The following ANK1 variants were observed in gnomAD, a reference collection of about 807,000 sequenced individuals.
ANK1 encodes ankyrin 1.
Under a neutral mutation model 210.4 loss-of-function variants are expected in ANK1, and 51 were observed. The observed-to-expected ratio is 0.24, with a 90% CI of 0.19 to 0.31. The LOEUF is 0.31. Ranked by LOEUF, ANK1 falls within the 10% of genes least tolerant of loss-of-function variation. The probability of loss-of-function intolerance (pLI) is 1.00; values close to 1 mark genes in which losing one functional copy is unlikely to be tolerated. For synonymous variants in ANK1, 967 were observed against 1,025.9 expected (o/e 0.94, Z 1.10); for missense variants, 2,051 against 2,504.4 (o/e 0.82, Z 3.86).
chr8:41,806,173 G>C (rs1850939741), intron 1 of ANK1, among the ~76,000 whole-genome samples: 3 of 152,186 alleles, frequency 2.0e-5, no homozygotes, highest in Admixed American at 2.0e-4. Context: ...TGGAAGTTTA[G>C]GCACTCAAAT....
chr8:41,769,506 G>A (rs1245157068), intron 1 of ANK1, among the ~76,000 whole-genome samples: 3 of 152,218 alleles, frequency 2.0e-5, no homozygotes, highest in Non-Finnish European at 1.5e-5. Flanking sequence ...TATTTAGAGA[G>A]AGAGAGAGAA....
rs546421188 is a variant in ANK1, at chr8:41,693,304, G to A, written c.3533-103C>T. 124 of 1,082,384 alleles carry A rather than the reference G, an allele frequency of 1.1e-4. No individual in the cohort carries two copies. In the African/African-American group the frequency reaches 1.7e-3, roughly 15 times the overall value. 67.0% of individuals were successfully genotyped at this position (1,082,384 alleles called of 1,614,324 possible). The stretch of plus-strand genomic sequence containing the variant: ...GGTGTGCAAGGTGAGACTGGGTGAA[G>A]CTCACTTTGTCTGCAGCCCTGGGCA... On this transcript the variant is annotated intron_variant, in intron 29 of 42. Transcript: ENST00000289734.
chr8:41,700,799 G>A (rs1190018800), intron 22 of ANK1, among the ~76,000 whole-genome samples: 1 of 152,150 alleles, frequency 6.6e-6, no homozygotes, highest in Non-Finnish European at 1.5e-5. Flanking sequence ...GTCTTGCTCT[G>A]TCACCCTGGC....
At position 41,815,608 on chromosome 8, in the gene ANK1, T is replaced by G. The variant is rs185439995; in HGVS notation, c.127-57471A>C. Reference sequence around the variant, plus strand: ...TTTTCCCTCTACAAAAAAAACCTCATACCTTATAACAACTTACTTTCCTTG... The same window carrying G: ...TTTTCCCTCTACAAAAAAAACCTCAGACCTTATAACAACTTACTTTCCTTG... On this transcript the variant is annotated intron_variant, in intron 1 of 42. Transcript: ENST00000265709. Among the ~76,000 whole-genome samples the G allele has an allele frequency of 3.7e-3, 569 of 152,278 alleles. 4 individuals carry two copies. The highest frequency in any genetic ancestry group is 0.013 in the African/African-American group (537 of 41,570).
rs1812744778 is a variant in ANK1 at position 41,672,556 on chromosome 8, T to C, written c.4894A>G (p.Asn1632Asp). The C allele has an allele frequency of 6.2e-7, 1 of 1,614,098 alleles. No individual in the cohort carries two copies. Among genetic ancestry groups the C allele is most frequent in the Admixed American group, 1.7e-5 (1 of 60,004 alleles). Residue 1632 changes from asparagine (N) to aspartate (D), a missense_variant, in exon 38 of 43, where the codon AAT becomes GAT. Asn to Asp is a conservative substitution (Grantham distance 23). This residue lies in a region of ANK1 where 496 missense variants were observed against 533.4 expected (regional missense o/e 0.93). Transcript: ENST00000289734. Reference sequence around the variant, plus strand: ...TGTTCAAGCAAATCGATAAGGCCATTTGTGGCATCTGAATCCACTGTGTCG... The same window carrying C: ...TGTTCAAGCAAATCGATAAGGCCATCTGTGGCATCTGAATCCACTGTGTCG... ...EDDTVDSDAT[N>D]GLIDLLEQEE... is the part of the protein sequence containing the mutation.
In ANK1 at chr8:41,654,699, A is replaced by G. The variant is rs1340924481; in HGVS notation, c.*1091T>C. On this transcript the variant is annotated 3_prime_UTR_variant, in exon 43 of 43. Coordinates refer to ENST00000289734, the MANE Select transcript of ANK1 (RefSeq NM_000037.4). ...TCTGTACGTACTGCTAAATGTTTCT[A>G]TTGGTTTGCATAGTATTTATTGTTT... The G allele has an allele frequency of 1.3e-5, 2 of 152,744 alleles. No individual in the cohort carries two copies. Among genetic ancestry groups the G allele is most frequent in the East Asian group, 3.9e-4 (2 of 5,170 alleles). 9.5% of individuals were successfully genotyped at this position (152,744 alleles called of 1,614,324 possible). A position where few individuals can be genotyped will look rare whatever the true frequency, so the allele number is the denominator to read the frequency against.
chr8:41,871,273 C>T lies in ANK1; in HGVS notation c.126+25082G>A, dbSNP rs575950053. 1.2e-3 allele frequency among the ~76,000 whole-genome samples: 181 copies of T among 152,310 alleles called. 1 individual carries two copies. The highest frequency in any genetic ancestry group is 4.0e-3 in the African/African-American group (166 of 41,564). ...GGCTACCAATGGGCCTCCTAACCTC[C>T]GCAGAATCGAGGCAGCTGCTGGAGC... On this transcript the variant is annotated intron_variant, in intron 1 of 42. Transcript: ENST00000265709.
rs1043351586 is a variant in ANK1 at position 41,654,105 on chromosome 8, C to A, written c.*1685G>T. The A allele has an allele frequency of 6.6e-6, 1 of 152,510 alleles. No homozygotes were observed. Among genetic ancestry groups the A allele is most frequent in the Non-Finnish European group, 1.5e-5 (1 of 68,026 alleles). The allele number at this position is 152,510 out of a possible 1,614,324, so 9.4% of individuals were successfully genotyped here. A position where few individuals can be genotyped will look rare whatever the true frequency, so the allele number is the denominator to read the frequency against. ...AGCGGCGGGGCGGACGGGGCCGGGC[C>A]GTCCACACCGCGGCTCCAGGGGCGA... On this transcript the variant is annotated 3_prime_UTR_variant, in exon 43 of 43. Coordinates refer to ENST00000289734, the MANE Select transcript of ANK1 (RefSeq NM_000037.4).
intron 39 of ANK1, chr8:41,665,213 T>G (rs1200447079): frequency 2.0e-6 from 3 of 1,526,694 alleles, no homozygotes; most frequent in Non-Finnish European, 2.6e-6. Context: ...CGAATGGCCC[T>G]CTCGGCTGAA....
rs530341326 is a variant in ANK1, at chr8:41,823,620, C to T, written c.127-65483G>A. ...CAAAAACTGAAAAAAAAAAATTAGC[C>T]GGGCATGGTGGCATGAGTCTGTAGT... On this transcript the variant is annotated intron_variant, in intron 1 of 42. Coordinates refer to the ANK1 transcript ENST00000265709. Among the ~76,000 whole-genome samples the T allele has an allele frequency of 1.6e-4, 24 of 151,478 alleles. No homozygotes were observed. In the East Asian group the frequency reaches 3.1e-3, roughly 20 times the overall value.
At chr8:41,879,770 G>A (rs1817266497) in intron 1 of ANK1, among the ~76,000 whole-genome samples, 1 of 152,220 alleles carries the variant, frequency 6.6e-6, no homozygotes, top group Non-Finnish European at 1.5e-5. Context: ...GTGGGAATCA[G>A]AAGCCCCAGG....
At chr8:41,885,092 G>A (rs772772982) in intron 1 of ANK1, among the ~76,000 whole-genome samples, 1 of 152,100 alleles carries the variant, frequency 6.6e-6, no homozygotes, top group Non-Finnish European at 1.5e-5. Flanking sequence ...CTCGCTGCAA[G>A]ATAAAGACCG....
chr8:41,694,981 G>A lies in ANK1; in HGVS notation c.3116-178C>T, dbSNP rs1820427367. Among the ~76,000 whole-genome samples the A allele has an allele frequency of 6.6e-6, 1 of 152,202 alleles. No individual in the cohort carries two copies. Among genetic ancestry groups the A allele is most frequent in the South Asian group, 2.1e-4 (1 of 4,830 alleles). Reference sequence around the variant, plus strand: ...AGTGCCCAGGCCCAGAGGCCCAGCAGAGCAGATGCGGCTGCAGGCAGCCGC... The same window carrying A: ...AGTGCCCAGGCCCAGAGGCCCAGCAAAGCAGATGCGGCTGCAGGCAGCCGC... On this transcript the variant is annotated intron_variant, in intron 27 of 42. Coordinates refer to ENST00000289734, the MANE Select transcript of ANK1 (RefSeq NM_000037.4). The surrounding 1 kb of genome is among the most constrained non-coding windows in gnomAD (Gnocchi z 5.7).
chr8:41,721,419 A>G (rs981058182), intron 9 of ANK1, among the ~76,000 whole-genome samples: 1 of 152,126 alleles, frequency 6.6e-6, no homozygotes, highest in African/African-American at 2.4e-5. Flanking sequence ...CACTTTGGGA[A>G]GCAAAGGTGG....
intron 1 of ANK1, among the ~76,000 whole-genome samples, chr8:41,879,613 C>G (rs988496057): frequency 1.3e-5 from 2 of 152,176 alleles, no homozygotes; most frequent in African/African-American, 4.8e-5. Context: ...TTCCTATTTC[C>G]ACAACTGAAA....
chr8:41,860,983 A>G (rs932078194), intron 1 of ANK1, among the ~76,000 whole-genome samples: 1 of 152,196 alleles, frequency 6.6e-6, no homozygotes, highest in Admixed American at 6.5e-5. Context: ...AACCTCGGAA[A>G]TGCCTTAACC....
chr8:41,659,614 G>A (rs1294095701), intron 42 of ANK1, among the ~76,000 whole-genome samples: 1 of 152,160 alleles, frequency 6.6e-6, no homozygotes, highest in Non-Finnish European at 1.5e-5. Context: ...GGGAGGGTAG[G>A]GCATTTAATG....
intron 1 of ANK1, among the ~76,000 whole-genome samples, chr8:41,853,667 C>T (rs1563911285): frequency 6.6e-6 from 1 of 152,184 alleles, no homozygotes; most frequent in Non-Finnish European, 1.5e-5. Flanking sequence ...ACCCCCACCG[C>T]CTTATAACAG....
chr8:41,804,621 G>C (rs1025958824), intron 1 of ANK1, among the ~76,000 whole-genome samples: 1 of 152,100 alleles, frequency 6.6e-6, no homozygotes, highest in Non-Finnish European at 1.5e-5. Context: ...TCAATGAGAG[G>C]GTAACTATGG....
Sources: allele counts gnomAD v4.1 joint callset (sites outside exome capture counted in the v4.1 genomes callset), GRCh38; gene constraint gnomAD v4.1.1; regional missense constraint gnomAD v4.1.1; non-coding constraint Gnocchi (gnomAD v3.1); transcripts MANE v1.5; gene names NCBI Gene and HGNC (gene_info 2026-07-23, HGNC 2026-07-21).